Variants in PRDM10 observed in about 807,000 individuals in gnomAD.
PRDM10 encodes the protein PR/SET domain 10.
PRDM10 carries 65 observed loss-of-function variants against 133.1 expected under a neutral mutation model. That is an observed-to-expected ratio of 0.49 (90% CI 0.40 to 0.60). The LOEUF is 0.60. PRDM10 is among the 20% of genes least tolerant of loss of function. The probability of loss-of-function intolerance (pLI) is 0.00; values close to 1 mark genes in which losing one functional copy is unlikely to be tolerated. For missense variants in PRDM10, 1,137 were observed against 1,507.1 expected (o/e 0.75, Z 4.07); for synonymous variants, 582 against 580.4 (o/e 1.00, Z -0.04).
chr11:129,957,585 G>A (rs1490290520), intron 3 of PRDM10, among the ~76,000 whole-genome samples, 161 bp downstream of exon 3: 2 of 152,152 alleles, frequency 1.3e-5, no homozygotes, highest in Admixed American at 6.5e-5. Flanking sequence ...CCAAAGTGCT[G>A]GGATTACAGG....
intron 9 of PRDM10, among the ~76,000 whole-genome samples, chr11:129,932,967 C>T (rs768472991): frequency 6.6e-6 from 1 of 152,066 alleles, no homozygotes; most frequent in Non-Finnish European, 1.5e-5. Context: ...GGGGTTTCAC[C>T]GTGTTGCCTG....
intron 2 of PRDM10, among the ~76,000 whole-genome samples, chr11:129,958,155 G>A (rs1445214316): frequency 6.6e-6 from 1 of 152,156 alleles, no homozygotes; most frequent in Non-Finnish European, 1.5e-5. Context: ...CTTTTGGGGA[G>A]TAATAAGGGC....
chr11:129,988,577 T>G (rs1420105720), intron 1 of PRDM10, among the ~76,000 whole-genome samples: 1 of 151,736 alleles, frequency 6.6e-6, no homozygotes, highest in Non-Finnish European at 1.5e-5. Flanking sequence ...TATGTAAATT[T>G]TATTTCAGTA....
At chr11:129,916,719 A>G (rs1356432718) in intron 15 of PRDM10, among the ~76,000 whole-genome samples, 1 of 152,214 alleles carries the variant, frequency 6.6e-6, no homozygotes, top group African/African-American at 2.4e-5. Flanking sequence ...ATGCAATAGT[A>G]CAAGTAGAGT....
At chr11:129,912,743 C>T (rs1474800287) in intron 17 of PRDM10, among the ~76,000 whole-genome samples, 1 of 136,794 alleles carries the variant, frequency 7.3e-6, no homozygotes, top group African/African-American at 2.8e-5. Context: ...CAGAGCGAGA[C>T]TCCATCTCGA....
intron 4 of PRDM10, among the ~76,000 whole-genome samples, chr11:129,948,505 T>C (rs1208919079): frequency 1.3e-5 from 2 of 152,106 alleles, no homozygotes; most frequent in African/African-American, 4.8e-5. Flanking sequence ...CTTGGAGCCA[T>C]AGAATCCCAC....
chr11:129,931,759 G>A (rs906301189), intron 10 of PRDM10, among the ~76,000 whole-genome samples: 31 of 151,714 alleles, frequency 2.0e-4, no homozygotes, highest in African/African-American at 6.3e-4. Context: ...TAGTAGAGAC[G>A]GGGTTTCACC....
intron 1 of PRDM10, among the ~76,000 whole-genome samples, chr11:129,969,236 AAAGAG>A (rs1951966987): frequency 6.6e-6 from 1 of 152,254 alleles, no homozygotes; most frequent in African/African-American, 2.4e-5. Flanking sequence ...CCAAGCATAA[AAAGAG>A]TATTCTTCAG....
At chr11:129,943,777 G>A (rs1951295076) in intron 6 of PRDM10, among the ~76,000 whole-genome samples, 1 of 152,048 alleles carries the variant, frequency 6.6e-6, no homozygotes, top group South Asian at 2.1e-4. Context: ...GGTGGATCAC[G>A]AGGTCAAGAG....
At chr11:129,972,522 G>A (rs547058003) in intron 1 of PRDM10, among the ~76,000 whole-genome samples, 2 of 152,234 alleles carry the variant, frequency 1.3e-5, no homozygotes, top group South Asian at 4.1e-4. Context: ...AGTGTTTTAG[G>A]GAGCATAGTT....
chr11:129,982,057 A>G (rs1303167279), intron 1 of PRDM10, among the ~76,000 whole-genome samples: 1 of 151,988 alleles, frequency 6.6e-6, no homozygotes, highest in Non-Finnish European at 1.5e-5. Context: ...TGGGAGTTCA[A>G]AACCAGACTG....
At chr11:129,903,574 T>C (rs1949913940) in intron 20 of PRDM10, among the ~76,000 whole-genome samples, 1 of 152,166 alleles carries the variant, frequency 6.6e-6, no homozygotes, top group South Asian at 2.1e-4. Flanking sequence ...TTTGTTACAT[T>C]AACATTTTTA....
rs780925586 is a variant in PRDM10 at position 129,944,751 on chromosome 11, T to C, written c.762+20A>G. 1.1e-5 allele frequency: 17 copies of C among 1,613,052 alleles called. No homozygotes were observed. Among genetic ancestry groups the C allele is most frequent in the Non-Finnish European group, 1.3e-5 (15 of 1,179,804 alleles). On this transcript the variant is annotated intron_variant, in intron 6 of 20. Coordinates refer to ENST00000360871, the MANE Select transcript of PRDM10 (RefSeq NM_199437.2). ...ACACTGGTAAAGGACAGGAGTGAAG[T>C]GTGATAGAGCATAAATTACCTTGAG...
At chr11:129,936,767 G>T (rs892868434) in intron 8 of PRDM10, among the ~76,000 whole-genome samples, 14 of 152,152 alleles carry the variant, frequency 9.2e-5, no homozygotes, top group Admixed American at 5.9e-4. Flanking sequence ...TGGGGCTTGG[G>T]AGCTCCAGAG....
At chr11:129,920,163 CAACT>C (rs1950481156) in intron 13 of PRDM10, among the ~76,000 whole-genome samples, 1 of 152,270 alleles carries the variant, frequency 6.6e-6, no homozygotes, top group Non-Finnish European at 1.5e-5. Context: ...TTTAAACAAC[CAACT>C]GACCTTAACC....
chr11:129,960,234 A>C (rs1030325030), intron 2 of PRDM10, among the ~76,000 whole-genome samples: 1 of 152,188 alleles, frequency 6.6e-6, no homozygotes, highest in Non-Finnish European at 1.5e-5. Context: ...GTTTACTACA[A>C]TGTTTAAAAA....
intron 8 of PRDM10, among the ~76,000 whole-genome samples, chr11:129,936,652 CAA>C (rs34125921): frequency 7.0e-6 from 1 of 142,392 alleles, no homozygotes; most frequent in Non-Finnish European, 1.6e-5. Context: ...GACTCCATTT[CAA>C]AAAAAAAAAA....
At chr11:129,979,269 G>A (rs148232033) in intron 1 of PRDM10, among the ~76,000 whole-genome samples, 22 of 152,148 alleles carry the variant, frequency 1.4e-4, no homozygotes, top group African/African-American at 4.8e-4. Context: ...AATCCTAAGC[G>A]TCCGACCTGA....
chr11:129,929,547 G>T, intron 11 of PRDM10: 1 of 780,652 alleles, frequency 1.3e-6, no homozygotes, highest in Non-Finnish European at 1.9e-6. Context: ...CTACTTTTTA[G>T]AATGTGTGAG....
Sources: gnomAD v4.1 joint callset for allele counts (sites outside exome capture counted in the v4.1 genomes callset) on GRCh38, gnomAD v4.1.1 for gene constraint, MANE v1.5 for transcripts, NCBI Gene and HGNC (gene_info 2026-07-23, HGNC 2026-07-21) for gene names.